Variants in LRBA observed in about 807,000 individuals in gnomAD.
The protein encoded by LRBA is LPS responsive beige-like anchor protein.
Under a neutral mutation model 330.0 loss-of-function variants are expected in LRBA, and 176 were observed. The ratio of observed to expected loss-of-function variants is 0.53; its 90% CI spans 0.47 to 0.60. The LOEUF is 0.60. LRBA is among the 20% of genes least tolerant of loss of function. The pLI is 0.00. For missense variants in LRBA, 3,259 were observed against 3,444.8 expected (o/e 0.95, Z 1.35); for synonymous variants, 1,230 against 1,193.0 (o/e 1.03, Z -0.64).
At chr4:150,632,825 T>G (rs1390068990) in intron 37 of LRBA, among the ~76,000 whole-genome samples, 1 of 152,238 alleles carries the variant, frequency 6.6e-6, no homozygotes, top group Non-Finnish European at 1.5e-5. Flanking sequence ...TCATAGCAGT[T>G]ATTCAACTAC....
At chr4:150,819,718 C>T (rs1745144483) in intron 30 of LRBA, among the ~76,000 whole-genome samples, 1 of 152,080 alleles carries the variant, frequency 6.6e-6, no homozygotes, top group Non-Finnish European at 1.5e-5. Flanking sequence ...TATGCACAAT[C>T]CCTATTTATT....
intron 2 of LRBA, among the ~76,000 whole-genome samples, chr4:150,937,536 G>C (rs1481531071): frequency 6.6e-6 from 1 of 151,968 alleles, no homozygotes; most frequent in East Asian, 1.9e-4. Flanking sequence ...GAATAATGTA[G>C]CATGGAAACT....
intron 2 of LRBA, among the ~76,000 whole-genome samples, chr4:150,975,534 A>C (rs74976588): frequency 7.8e-6 from 1 of 127,452 alleles, no homozygotes; most frequent in African/African-American, 3.9e-5. Context: ...ACTCTATCTC[A>C]AAAAAAAAAA....
At chr4:150,696,274 T>C (rs1016626171) in intron 36 of LRBA, among the ~76,000 whole-genome samples, 1 of 152,196 alleles carries the variant, frequency 6.6e-6, no homozygotes. Flanking sequence ...AGAACAAGCA[T>C]GAAAACCAGA....
intron 38 of LRBA, among the ~76,000 whole-genome samples, chr4:150,594,292 T>C (rs1047951061): frequency 1.3e-5 from 2 of 152,068 alleles, no homozygotes; most frequent in African/African-American, 2.4e-5. Flanking sequence ...AGTGGTCTAA[T>C]AGCTTTCTGC....
At chr4:150,809,821 C>T (rs1743348389) in intron 31 of LRBA, among the ~76,000 whole-genome samples, 2 of 151,876 alleles carry the variant, frequency 1.3e-5, no homozygotes, top group South Asian at 4.2e-4. Flanking sequence ...GCATTCTAGC[C>T]TGAGTGACAA....
Position 150,502,060 on chromosome 4 carries a change from A to G in LRBA, c.6331-11025T>C, listed in dbSNP as rs1025933764. On this transcript the variant is annotated intron_variant, in intron 40 of 56. Transcript: ENST00000651943. ...AAAAGCTTGCAGGGCAGAGTAGCAG[A>G]TCAGAGAGAGCTGCAAAGCAACAGA... 2.6e-5 allele frequency among the ~76,000 whole-genome samples: 4 copies of G among 152,346 alleles called. No homozygotes were observed. The East Asian group carries it at 7.7e-4, about 29-fold the overall frequency.
At chr4:150,831,002 T>C (rs1392930414) in intron 29 of LRBA, among the ~76,000 whole-genome samples, 3 of 152,066 alleles carry the variant, frequency 2.0e-5, no homozygotes, top group African/African-American at 7.2e-5. Context: ...TGACCTCAAG[T>C]GATCCAGCTG....
chr4:150,286,524 TTC>T (rs1468410948), intron 53 of LRBA, among the ~76,000 whole-genome samples: 2 of 152,120 alleles, frequency 1.3e-5, no homozygotes. Flanking sequence ...TAAATATGTA[TTC>T]TCTCTACTAA....
chr4:150,767,493 T>G (rs1735912093), intron 34 of LRBA, among the ~76,000 whole-genome samples: 1 of 152,014 alleles, frequency 6.6e-6, no homozygotes, highest in Non-Finnish European at 1.5e-5. Context: ...ATTAAAAAAT[T>G]TTTTTTCTGT....
intron 36 of LRBA, among the ~76,000 whole-genome samples, chr4:150,709,527 T>G (rs72736402): frequency 1.3e-5 from 2 of 151,938 alleles, no homozygotes; most frequent in African/African-American, 4.8e-5. Flanking sequence ...TTTGTTTCCA[T>G]AGAGAACCAT....
chr4:150,492,042 G>A lies in LRBA; in HGVS notation c.6331-1007C>T, dbSNP rs558257180. On this transcript the variant is annotated intron_variant, in intron 40 of 56. Transcript: ENST00000651943. ...TACTACATTGTAGGAATAAAGATGG[G>A]ATGAGCAAAGAGGTAAAATAACGAG... Among the ~76,000 whole-genome samples the A allele has an allele frequency of 1.6e-4, 25 of 152,076 alleles. No homozygotes were observed. The South Asian group carries it at 2.1e-3, about 13-fold the overall frequency.
chr4:150,327,361 A>C (rs1733420075), intron 48 of LRBA, among the ~76,000 whole-genome samples: 1 of 152,182 alleles, frequency 6.6e-6, no homozygotes, highest in Non-Finnish European at 1.5e-5. Context: ...TCGAGGCAGC[A>C]GTGAGCTATC....
chr4:150,516,211 TATTCTC>T (rs1762324597), intron 40 of LRBA, among the ~76,000 whole-genome samples: 1 of 133,156 alleles, frequency 7.5e-6, no homozygotes. Context: ...TGACATTTTC[TATTCTC>T]TTTTTTTTTT....
chr4:150,317,172 C>T (rs993453451), intron 50 of LRBA, among the ~76,000 whole-genome samples: 1 of 152,090 alleles, frequency 6.6e-6, no homozygotes, highest in Non-Finnish European at 1.5e-5. Flanking sequence ...TCAACAGTTT[C>T]CTTTTGATAG....
At position 150,646,328 on chromosome 4, in the gene LRBA, G is replaced by A. The variant is rs1399584198; in HGVS notation, c.5921+37223C>T. ...CATGAACTGAAACTGGAAAGGCTAT[G>A]GATGAATAGGCTGGAGAGTGGTTCA... On this transcript the variant is annotated intron_variant, in intron 37 of 56. Coordinates refer to ENST00000651943, the MANE Select transcript of LRBA (RefSeq NM_001364905.1). Among the ~76,000 whole-genome samples, 5 of 151,998 alleles carry A rather than the reference G, an allele frequency of 3.3e-5. No individual in the cohort carries two copies. In the East Asian group the frequency reaches 9.6e-4, roughly 29 times the overall value.
chr4:150,332,772 C>G (rs1366961931), intron 48 of LRBA, among the ~76,000 whole-genome samples: 1 of 152,058 alleles, frequency 6.6e-6, no homozygotes, highest in Non-Finnish European at 1.5e-5. Flanking sequence ...GGCAGCATTC[C>G]AGATGTTGAG....
intron 37 of LRBA, among the ~76,000 whole-genome samples, chr4:150,651,268 C>G (rs1779682069): frequency 6.6e-6 from 1 of 152,040 alleles, no homozygotes; most frequent in African/African-American, 2.4e-5. Context: ...GCTCCTGTTA[C>G]AATTTCACAG....
rs147790025 is a variant in LRBA, at chr4:150,640,357, C to T, written c.5922-41226G>A. 1.6e-3 allele frequency among the ~76,000 whole-genome samples: 249 copies of T among 152,100 alleles called. 1 individual carries two copies. Among genetic ancestry groups the T allele is most frequent in the Non-Finnish European group, 2.9e-3 (195 of 67,994 alleles). On this transcript the variant is annotated intron_variant, in intron 37 of 56. Transcript: ENST00000651943. The stretch of plus-strand genomic sequence containing the variant: ...TTGTACCTGTCACATTCACAGTGAC[C>T]TATATATAAATACAAGCATCCAATT...
Sources: allele counts gnomAD v4.1 joint callset (sites outside exome capture counted in the v4.1 genomes callset), GRCh38; gene constraint gnomAD v4.1.1; transcripts MANE v1.5; gene names NCBI Gene and HGNC (gene_info 2026-07-23, HGNC 2026-07-21).